CASK: variants seen among roughly 807,000 people sequenced by gnomAD.
CASK encodes peripheral plasma membrane protein CASK.
CASK carries 4 observed loss-of-function variants against 82.9 expected under a neutral mutation model. The observed-to-expected ratio is 0.05, with a 90% CI of 0.02 to 0.11. CASK has a LOEUF of 0.11. CASK is among the 10% of genes least tolerant of loss of function. The pLI, the probability that CASK is intolerant of heterozygous loss-of-function variation, is 1.00. For missense variants in CASK, 358 were observed against 720.9 expected, an observed-to-expected ratio of 0.50 and a Z score of 5.76; for synonymous variants, 259 against 253.5, an observed-to-expected ratio of 1.02 and a Z score of -0.20.
chrX:41,529,225 G>A (rs2064761041), intron 25 of CASK, among the ~76,000 whole-genome samples: 1 of 111,746 alleles, frequency 8.9e-6, no homozygotes, highest in Non-Finnish European at 1.9e-5. Context: ...CCCAGCCGGG[G>A]TGAGGAGGTG....
chrX:41,912,443 G>C (rs1450922011), intron 1 of CASK, among the ~76,000 whole-genome samples: 1 of 106,763 alleles, frequency 9.4e-6, no homozygotes, highest in Non-Finnish European at 1.9e-5. Flanking sequence ...AAGTAGCTGG[G>C]ATTACAGGCA....
chrX:41,617,121 G>A (rs1390051114), intron 11 of CASK, among the ~76,000 whole-genome samples: 1 of 112,075 alleles, frequency 8.9e-6, no homozygotes, highest in Admixed American at 9.5e-5. Flanking sequence ...CAGAGAGGTG[G>A]ATGAGCAGGA....
intron 7 of CASK, among the ~76,000 whole-genome samples, chrX:41,663,725 T>C (rs1403897517): frequency 9.0e-6 from 1 of 111,731 alleles, no homozygotes; most frequent in Non-Finnish European, 1.9e-5. Context: ...GGATTATTAT[T>C]ATATGGTACC....
At chrX:41,532,039 A>G (rs2064810715) in intron 24 of CASK, among the ~76,000 whole-genome samples, 1 of 111,158 alleles carries the variant, frequency 9.0e-6, no homozygotes, top group Non-Finnish European at 1.9e-5. Flanking sequence ...GGTTCAAGAG[A>G]TTCTTGTGCC....
At chrX:41,843,267 TACA>T (rs2071082732) in intron 2 of CASK, among the ~76,000 whole-genome samples, 1 of 112,030 alleles carries the variant, frequency 8.9e-6, no homozygotes, top group South Asian at 3.7e-4. Flanking sequence ...AGCATTATCT[TACA>T]ACATTAAATA....
At chrX:41,847,315 C>T (rs1163955410) in intron 2 of CASK, among the ~76,000 whole-genome samples, 4 of 111,654 alleles carry the variant, frequency 3.6e-5, no homozygotes, top group African/African-American at 1.3e-4. Flanking sequence ...TCTTTCAGTT[C>T]TGAAGACCAG....
chrX:41,575,322 G>A (rs181105080), intron 15 of CASK, among the ~76,000 whole-genome samples: 243 of 111,778 alleles, frequency 2.2e-3, no homozygotes, highest in African/African-American at 6.6e-3. Context: ...GAGAGGAACT[G>A]ATTCACTTTC....
At chrX:41,878,241 C>A (rs1252124770) in intron 1 of CASK, among the ~76,000 whole-genome samples, 1 of 108,682 alleles carries the variant, frequency 9.2e-6, no homozygotes, top group Admixed American at 9.8e-5. Context: ...CCACAGTAAA[C>A]TATGTGTGTA....
chrX:41,607,686 G>A (rs2147273902), intron 12 of CASK, among the ~76,000 whole-genome samples: 1 of 112,063 alleles, frequency 8.9e-6, no homozygotes, highest in South Asian at 3.7e-4. Flanking sequence ...CACGTGACTA[G>A]CAGTTGCCAA....
At chrX:41,786,093 T>C (rs1174807872) in intron 3 of CASK, among the ~76,000 whole-genome samples, 1 of 111,362 alleles carries the variant, frequency 9.0e-6, no homozygotes, top group Non-Finnish European at 1.9e-5. Flanking sequence ...ATCATGTGAG[T>C]GAGCTTGGAA....
intron 19 of CASK, among the ~76,000 whole-genome samples, chrX:41,556,603 C>T (rs1379857314): frequency 8.9e-6 from 1 of 112,025 alleles, no homozygotes; most frequent in Non-Finnish European, 1.9e-5. Flanking sequence ...GAAACTAAAA[C>T]ATGTTGCTGA....
At position 41,542,675 on chromosome X, in the gene CASK, T is replaced by C. The variant is rs1336158717; in HGVS notation, c.2155+16A>G. 1.9e-6 allele frequency: 2 copies of C among 1,047,258 alleles called. No homozygotes were observed. Among genetic ancestry groups the C allele is most frequent in the Non-Finnish European group, 2.7e-6 (2 of 745,464 alleles). The allele number at this position is 1,047,258 out of a possible 1,213,427, so 86.3% of individuals were successfully genotyped here. ...ATGCTTAACCCAGCCTCAGTAACAGTTGTGCTTTTCCCTACCTGCATTGTG... is the reference window on the plus strand; with the variant it reads ...ATGCTTAACCCAGCCTCAGTAACAGCTGTGCTTTTCCCTACCTGCATTGTG... On this transcript the variant is annotated intron_variant, in intron 22 of 26. Coordinates refer to ENST00000378163, the MANE Select transcript of CASK (RefSeq NM_001367721.1).
At position 41,517,504 on chromosome X, in the gene CASK, A is replaced by G. The variant is rs1362166370; in HGVS notation, c.*2916T>C. The G allele has an allele frequency of 3.7e-6, 1 of 269,543 alleles. No homozygotes were observed. Among genetic ancestry groups the G allele is most frequent in the Non-Finnish European group, 6.6e-6 (1 of 152,010 alleles). The allele number at this position is 269,543 out of a possible 1,213,427, so 22.2% of individuals were successfully genotyped here. ...ACTGTCTTGTGACTGGAAAATCAGG[A>G]CATTTCATCTTTTTAACAAAGAATT... On this transcript the variant is annotated 3_prime_UTR_variant, in exon 27 of 27. Transcript: ENST00000378163.
intron 2 of CASK, among the ~76,000 whole-genome samples, chrX:41,817,782 G>T (rs1416339814): frequency 9.0e-6 from 1 of 110,967 alleles, no homozygotes; most frequent in African/African-American, 3.3e-5. Flanking sequence ...GAAAAATTTT[G>T]TAATAGCATC....
At chrX:41,699,713 T>A (rs898169813) in intron 5 of CASK, among the ~76,000 whole-genome samples, 3 of 111,222 alleles carry the variant, frequency 2.7e-5, no homozygotes, top group Non-Finnish European at 3.8e-5. Flanking sequence ...TAATTATTGC[T>A]ATATTATTTG....
intron 16 of CASK, among the ~76,000 whole-genome samples, chrX:41,564,803 A>G (rs749231440): frequency 6.3e-5 from 7 of 111,558 alleles, no homozygotes; most frequent in Admixed American, 3.8e-4. Flanking sequence ...ACCACACTGC[A>G]CTTATTCTAA....
chrX:41,621,928 T>C (rs2066293159), intron 11 of CASK, among the ~76,000 whole-genome samples: 1 of 111,705 alleles, frequency 9.0e-6, no homozygotes, highest in Non-Finnish European at 1.9e-5. Flanking sequence ...AGTTCCCCCA[T>C]TGGTAACATT....
intron 2 of CASK, among the ~76,000 whole-genome samples, chrX:41,800,173 G>A (rs1200342039): frequency 1.8e-5 from 2 of 111,080 alleles, no homozygotes; most frequent in African/African-American, 6.6e-5. Flanking sequence ...GAACTATTCT[G>A]AGTACTTTCA....
rs1178297872 is a variant in CASK, at chrX:41,739,472, G to A, written c.357-16C>T. On this transcript the variant is annotated splice_polypyrimidine_tract_variant and intron_variant, in intron 4 of 26. Coordinates refer to ENST00000378163, the MANE Select transcript of CASK (RefSeq NM_001367721.1). Reference sequence around the variant, plus strand: ...CATATAATGGCTGTAAAAAACAAAAGAAATCTAAAAACTGTAAACAATTTT... The same window carrying A: ...CATATAATGGCTGTAAAAAACAAAAAAAATCTAAAAACTGTAAACAATTTT... 3.7e-6 allele frequency: 4 copies of A among 1,071,213 alleles called. No homozygotes were observed. In the African/African-American group the frequency reaches 7.3e-5, roughly 20 times the overall value. 88.3% of individuals were successfully genotyped at this position (1,071,213 alleles called of 1,213,427 possible). A position where few individuals can be genotyped will look rare whatever the true frequency, so the allele number is the denominator to read the frequency against.
Sources: allele counts gnomAD v4.1 joint callset (sites outside exome capture counted in the v4.1 genomes callset), GRCh38; gene constraint gnomAD v4.1.1; transcripts MANE v1.5; gene names NCBI Gene and HGNC (gene_info 2026-07-23, HGNC 2026-07-21).